ST3GAL4: variants seen among roughly 807,000 people sequenced by gnomAD.
The protein encoded by ST3GAL4 is CMP-N-acetylneuraminate-beta-galactosamide-alpha-2,3-sialyltransferase 4.
A neutral mutation model predicts 42.6 loss-of-function variants in ST3GAL4; 24 were observed. The observed-to-expected ratio is 0.56, with a 90% CI of 0.41 to 0.79. The LOEUF (loss-of-function observed/expected upper bound fraction) is 0.79. ST3GAL4 is among the 30% of genes least tolerant of loss of function. The pLI, the probability that ST3GAL4 is intolerant of heterozygous loss-of-function variation, is 0.00. For synonymous variants in ST3GAL4, 135 were observed against 163.2 expected (o/e 0.83, Z 1.32); for missense variants, 311 against 430.8 (o/e 0.72, Z 2.46).
intron 1 of ST3GAL4, among the ~76,000 whole-genome samples, chr11:126,371,835 C>G (rs1952663138): frequency 6.6e-6 from 1 of 152,362 alleles, no homozygotes; most frequent in African/African-American, 2.4e-5. Context: ...TTCAGCCTGA[C>G]TACATATTGT....
At position 126,373,074 on chromosome 11, in the gene ST3GAL4, C is replaced by G. The variant is rs1952715094; in HGVS notation, c.-61+17232C>G. ...TGTTGATTACATGCACTGTACCTGA[C>G]TTGTTTAAAGCCTGATGTCTTGAGT... On this transcript the variant is annotated intron_variant, in intron 1 of 10. Transcript: ENST00000444328. This position sits in a 1 kb window ranked among gnomAD's most constrained non-coding sequence, Gnocchi z 5.5. Among the ~76,000 whole-genome samples, 1 of 152,206 alleles carries G rather than the reference C, an allele frequency of 6.6e-6. No individual in the cohort carries two copies. Among genetic ancestry groups the G allele is most frequent in the Non-Finnish European group, 1.5e-5 (1 of 68,038 alleles).
At chr11:126,377,756 G>A (rs1952874597) in intron 1 of ST3GAL4, among the ~76,000 whole-genome samples, 1 of 152,160 alleles carries the variant, frequency 6.6e-6, no homozygotes, top group African/African-American at 2.4e-5. Flanking sequence ...GATTATAGGC[G>A]TGAGCCATGC....
At chr11:126,361,592 A>ACTTCCTCCCC (rs1291054780) in intron 1 of ST3GAL4, among the ~76,000 whole-genome samples, 11 of 151,958 alleles carry the variant, frequency 7.2e-5, no homozygotes, top group African/African-American at 2.4e-4. Context: ...CAGCACCGGC[A>ACTTCCTCCCC]CTTCCTCCCC....
intron 1 of ST3GAL4, among the ~76,000 whole-genome samples, chr11:126,381,265 C>T (rs116366197): frequency 0.029 from 4,430 of 152,294 alleles, 223 homozygotes; most frequent in African/African-American, 0.1. Context: ...TGTTCATCCC[C>T]CCACCTCCCA....
rs575272617 is a variant in ST3GAL4 at position 126,414,107 on chromosome 11, G to A, written c.*60G>A. ...TCTGCTGTCTGGGTGACCCCCATGC[G>A]TGGCTGTGGGGGTGGCTGGTGCCAG... is the stretch of plus-strand genomic sequence containing the variant. On this transcript the variant is annotated 3_prime_UTR_variant, in exon 11 of 11. Transcript: ENST00000444328. 211 of 1,533,976 alleles carry A rather than the reference G, an allele frequency of 1.4e-4. No homozygotes were observed. Among genetic ancestry groups the A allele is most frequent in the Non-Finnish European group, 1.7e-4 (184 of 1,107,110 alleles).
chr11:126,363,177 C>G lies in ST3GAL4; in HGVS notation c.-61+7335C>G, dbSNP rs990295366. On this transcript the variant is annotated intron_variant, in intron 1 of 10. Transcript: ENST00000444328. This position sits in a 1 kb window ranked among gnomAD's most constrained non-coding sequence, Gnocchi z 4.6. Reference sequence around the variant, plus strand: ...CTCACAGGCAGTGTGGGCCGTTTCTCTAGACCTCCTGCCCCCATCTCCTTC... The same window carrying G: ...CTCACAGGCAGTGTGGGCCGTTTCTGTAGACCTCCTGCCCCCATCTCCTTC... Among the ~76,000 whole-genome samples, 1 of 152,218 alleles carries G rather than the reference C, an allele frequency of 6.6e-6. No homozygotes were observed. The highest frequency in any genetic ancestry group is 1.5e-5 in the Non-Finnish European group (1 of 68,028).
rs1480036257 is a variant in ST3GAL4 at position 126,386,389 on chromosome 11, G to A, written c.-60-19707G>A. 1.3e-5 allele frequency among the ~76,000 whole-genome samples: 2 copies of A among 152,074 alleles called. No homozygotes were observed. Among genetic ancestry groups the A allele is most frequent in the Non-Finnish European group, 2.9e-5 (2 of 68,016 alleles). ...TGCTTGCATTCGGCCCACAGGCCTT[G>A]TGGCTCCTGTTTCTGCTGACCTGTC... On this transcript the variant is annotated intron_variant, in intron 1 of 10. Coordinates refer to ENST00000444328, the MANE Select transcript of ST3GAL4 (RefSeq NM_001254757.2). The surrounding 1 kb of genome is among the most constrained non-coding windows in gnomAD (Gnocchi z 4.7).
At chr11:126,361,408 A>AC (rs1458689780) in intron 1 of ST3GAL4, among the ~76,000 whole-genome samples, 3 of 141,894 alleles carry the variant, frequency 2.1e-5, no homozygotes, top group Admixed American at 7.1e-5. Flanking sequence ...TCCAGTTGTG[A>AC]CCCCCCTGTG....
chr11:126,366,742 C>A lies in ST3GAL4; in HGVS notation c.-61+10900C>A, dbSNP rs1020254776. Among the ~76,000 whole-genome samples the A allele has an allele frequency of 6.6e-6, 1 of 152,176 alleles. No homozygotes were observed. The highest frequency in any genetic ancestry group is 1.5e-5 in the Non-Finnish European group (1 of 68,034). On this transcript the variant is annotated intron_variant, in intron 1 of 10. Transcript: ENST00000444328. The surrounding 1 kb of genome is among the most constrained non-coding windows in gnomAD (Gnocchi z 4.2). Reference sequence around the variant, plus strand: ...GCACCAGGCTGACCATGGTGTCCGTCTCAGTGCCCAGCAGATGTTCTGGTG... The same window carrying A: ...GCACCAGGCTGACCATGGTGTCCGTATCAGTGCCCAGCAGATGTTCTGGTG...
In ST3GAL4 at chr11:126,383,465, C is replaced by T. The variant is rs962289141; in HGVS notation, c.-60-22631C>T. 1.3e-5 allele frequency among the ~76,000 whole-genome samples: 2 copies of T among 152,144 alleles called. No homozygotes were observed. Among genetic ancestry groups the T allele is most frequent in the African/African-American group, 2.4e-5 (1 of 41,428 alleles). On this transcript the variant is annotated intron_variant, in intron 1 of 10. Coordinates refer to ENST00000444328, the MANE Select transcript of ST3GAL4 (RefSeq NM_001254757.2). This position sits in a 1 kb window ranked among gnomAD's most constrained non-coding sequence, Gnocchi z 4.5. ...GCAGCTGAGCCCAGCCCCCGGCCAG[C>T]CCTGAGGAATGGGGGAAAAGAGTGC... is the stretch of plus-strand genomic sequence containing the variant.
rs999890918 is a variant in ST3GAL4, at chr11:126,396,872, C to G, written c.-60-9224C>G. Among the ~76,000 whole-genome samples, 1 of 151,948 alleles carries G rather than the reference C, an allele frequency of 6.6e-6. No individual in the cohort carries two copies. Among genetic ancestry groups the G allele is most frequent in the Non-Finnish European group, 1.5e-5 (1 of 68,016 alleles). On this transcript the variant is annotated intron_variant, in intron 1 of 10. Transcript: ENST00000444328. The surrounding 1 kb of genome is among the most constrained non-coding windows in gnomAD (Gnocchi z 5.8). Reference sequence around the variant, plus strand: ...AATTATCGTGTTGAACTCACAGGGTCGAGATCATATTTAACACTTTCACAG... The same window carrying G: ...AATTATCGTGTTGAACTCACAGGGTGGAGATCATATTTAACACTTTCACAG...
intron 4 of ST3GAL4, 88 bp downstream of exon 4, chr11:126,407,111 G>A: frequency 1.3e-6 from 2 of 1,492,778 alleles, no homozygotes; most frequent in Non-Finnish European, 1.9e-6. Flanking sequence ...GATGGAAAGA[G>A]CAGCTGTGTT....
At chr11:126,385,196 G>A (rs2135457332) in intron 1 of ST3GAL4, among the ~76,000 whole-genome samples, 1 of 150,412 alleles carries the variant, frequency 6.6e-6, no homozygotes, top group East Asian at 1.9e-4. Flanking sequence ...TTGCTCTGTT[G>A]CCCAGGCTGG....
At position 126,386,001 on chromosome 11, in the gene ST3GAL4, G is replaced by A. The variant is rs1953212316; in HGVS notation, c.-60-20095G>A. 6.6e-6 allele frequency among the ~76,000 whole-genome samples: 1 copy of A among 152,162 alleles called. No homozygotes were observed. The highest frequency in any genetic ancestry group is 2.4e-5 in the African/African-American group (1 of 41,432). Reference sequence around the variant, plus strand: ...CTCCCTGGCACCCCCTTTCCTTCCTGGCTGTCTGCCACCATATGGAACTTT... The same window carrying A: ...CTCCCTGGCACCCCCTTTCCTTCCTAGCTGTCTGCCACCATATGGAACTTT... On this transcript the variant is annotated intron_variant, in intron 1 of 10. Transcript: ENST00000444328. The surrounding 1 kb of genome is among the most constrained non-coding windows in gnomAD (Gnocchi z 4.7).
chr11:126,407,507 A>AG (rs1954294675), intron 5 of ST3GAL4, 67 bp from the exon 6 acceptor site: 1 of 1,594,198 alleles, frequency 6.3e-7, no homozygotes. Context: ...GGAGCAGTGG[A>AG]GGGAGGGCAG....
chr11:126,387,187 C>T (rs2135464943), intron 1 of ST3GAL4, among the ~76,000 whole-genome samples: 1 of 152,330 alleles, frequency 6.6e-6, no homozygotes, highest in South Asian at 2.1e-4. Flanking sequence ...GCTCATACAA[C>T]TTCCCTTCCA....
intron 1 of ST3GAL4, among the ~76,000 whole-genome samples, chr11:126,381,462 T>G: frequency 6.8e-6 from 1 of 147,002 alleles, no homozygotes. Context: ...GAGGAGGAGG[T>G]GGAGATGGGG....
At position 126,410,062 on chromosome 11, in the gene ST3GAL4, G is replaced by A. The variant is rs927513678; in HGVS notation, c.771+651G>A. On this transcript the variant is annotated intron_variant, in intron 9 of 10. Transcript: ENST00000444328. The surrounding 1 kb of genome is among the most constrained non-coding windows in gnomAD (Gnocchi z 5.3). Reference sequence around the variant, plus strand: ...TGAGACTACAGGTATGCACCATCACGCCTGGCTAATTTTTAAATTTTTTTG... The same window carrying A: ...TGAGACTACAGGTATGCACCATCACACCTGGCTAATTTTTAAATTTTTTTG... 6.6e-6 allele frequency among the ~76,000 whole-genome samples: 1 copy of A among 152,032 alleles called. No individual in the cohort carries two copies. Among genetic ancestry groups the A allele is most frequent in the Non-Finnish European group, 1.5e-5 (1 of 68,004 alleles).
intron 1 of ST3GAL4, among the ~76,000 whole-genome samples, chr11:126,370,770 G>T (rs1455579377): frequency 6.6e-6 from 1 of 151,036 alleles, no homozygotes; most frequent in East Asian, 2.0e-4. Context: ...TCTGCATCCC[G>T]GGTTCAAGCA....
Sources: allele counts gnomAD v4.1 joint callset (sites outside exome capture counted in the v4.1 genomes callset), GRCh38; gene constraint gnomAD v4.1.1; non-coding constraint Gnocchi (gnomAD v3.1); transcripts MANE v1.5; gene names NCBI Gene and HGNC (gene_info 2026-07-23, HGNC 2026-07-21).